SPATA13: variants seen among roughly 807,000 people sequenced by gnomAD.
SPATA13 encodes the protein spermatogenesis associated 13.
In SPATA13, 50 loss-of-function variants were observed where a neutral mutation model predicts 104.0. That is an observed-to-expected ratio of 0.48 (90% CI 0.38 to 0.61). The LOEUF is 0.61. SPATA13 is among the 20% of genes least tolerant of loss of function. The pLI is 0.00. For missense variants in SPATA13, 1,524 were observed against 1,690.6 expected, an observed-to-expected ratio of 0.90 and a Z score of 1.73; for synonymous variants, 606 against 667.5, an observed-to-expected ratio of 0.91 and a Z score of 1.42.
intron 2 of SPATA13, among the ~76,000 whole-genome samples, chr13:24,016,990 G>A (rs979873726): frequency 6.6e-6 from 1 of 152,228 alleles, no homozygotes; most frequent in African/African-American, 2.4e-5. Flanking sequence ...AGTGGGGCCT[G>A]ACACAGACTC....
At chr13:24,256,385 T>C (rs983911468) in intron 4 of SPATA13, among the ~76,000 whole-genome samples, 1 of 152,204 alleles carries the variant, frequency 6.6e-6, no homozygotes, top group African/African-American at 2.4e-5. Flanking sequence ...GATGATATGC[T>C]AATTACCCTG....
intron 3 of SPATA13, among the ~76,000 whole-genome samples, chr13:24,096,476 G>A (rs1315641419): frequency 1.3e-5 from 2 of 152,092 alleles, no homozygotes; most frequent in Non-Finnish European, 2.9e-5. Flanking sequence ...GCAGGCACCT[G>A]TAATCCAAGC....
rs918831915 is a variant in SPATA13 at position 24,043,365 on chromosome 13, C to A, written c.-112+25664C>A. Among the ~76,000 whole-genome samples, 2 of 152,168 alleles carry A rather than the reference C, an allele frequency of 1.3e-5. 1 individual carries two copies. The highest frequency in any genetic ancestry group is 2.9e-5 in the Non-Finnish European group (2 of 68,026). On this transcript the variant is annotated intron_variant, in intron 3 of 14. Transcript: ENST00000424834. ...ACGTCCACTTCTCCCATCTCAGCAG[C>A]ACTGGTCCCTGCAGCTTGATGGATT...
intron 2 of SPATA13, among the ~76,000 whole-genome samples, chr13:24,010,425 T>C (rs1417967272): frequency 6.6e-6 from 1 of 151,926 alleles, no homozygotes; most frequent in Non-Finnish European, 1.5e-5. Flanking sequence ...TTGAGGAGTT[T>C]CCTTGTGGGC....
rs141247175 is a variant in SPATA13 at position 24,113,084 on chromosome 13, G to A, written c.-112+95383G>A. Among the ~76,000 whole-genome samples, 70 of 152,270 alleles carry A rather than the reference G, an allele frequency of 4.6e-4. 1 individual carries two copies. Among genetic ancestry groups the A allele is most frequent in the African/African-American group, 1.7e-3 (69 of 41,560 alleles). On this transcript the variant is annotated intron_variant, in intron 3 of 14. Coordinates refer to the SPATA13 transcript ENST00000424834. ...AAATGCTGTCACTGAGGGACTTCTC[G>A]GCTCTCTTTCCTAAAGTTTCCTGAA... is the stretch of plus-strand genomic sequence containing the variant.
At chr13:24,006,894 C>T (rs75757953) in intron 2 of SPATA13, among the ~76,000 whole-genome samples, 8,013 of 152,296 alleles carry the variant, frequency 0.053, 320 homozygotes, top group South Asian at 0.2. Flanking sequence ...GCAATTAACA[C>T]GAAGCCCCTC....
chr13:24,100,892 A>C (rs752532290), intron 3 of SPATA13, among the ~76,000 whole-genome samples: 16 of 152,370 alleles, frequency 1.1e-4, no homozygotes, highest in Non-Finnish European at 1.9e-4. Flanking sequence ...AAATAATTGC[A>C]ATAATGCATT....
chr13:24,247,178 A>G (rs1304072252), intron 2 of SPATA13, among the ~76,000 whole-genome samples: 1 of 152,162 alleles, frequency 6.6e-6, no homozygotes, highest in African/African-American at 2.4e-5. Flanking sequence ...GGGTGCCGTC[A>G]GTGGAGAGAG....
At chr13:24,040,732 G>A (rs1566082455) in intron 3 of SPATA13, among the ~76,000 whole-genome samples, 1 of 152,198 alleles carries the variant, frequency 6.6e-6, no homozygotes, top group Non-Finnish European at 1.5e-5. Flanking sequence ...GGGGAAAAGG[G>A]TCGCTTCAAG....
At position 24,161,576 on chromosome 13, in the gene SPATA13, AG is replaced by A. The variant is rs1170561778; in HGVS notation, c.-112+646del. ...GGGAATTGGTACTCCAGCCCCAGGC[AG>A]GTAGAAGCCCGCGCTGCTGCCAGCG... On this transcript the variant is annotated intron_variant, in intron 1 of 12. Coordinates refer to ENST00000382108, the MANE Select transcript of SPATA13 (RefSeq NM_001166271.3). The surrounding 1 kb of genome is among the most constrained non-coding windows in gnomAD (Gnocchi z 4.5). Among the ~76,000 whole-genome samples the A allele has an allele frequency of 6.6e-6, 1 of 152,108 alleles. No individual in the cohort carries two copies. Among genetic ancestry groups the A allele is most frequent in the Non-Finnish European group, 1.5e-5 (1 of 68,012 alleles).
At chr13:24,233,256 A>G (rs919205442) in intron 2 of SPATA13, among the ~76,000 whole-genome samples, 7 of 152,232 alleles carry the variant, frequency 4.6e-5, no homozygotes, top group Middle Eastern at 3.2e-3. Flanking sequence ...TGTGCTTTCA[A>G]AAAATGTTTT....
chr13:24,264,855 A>G (rs1874220841), intron 4 of SPATA13, among the ~76,000 whole-genome samples: 1 of 152,162 alleles, frequency 6.6e-6, no homozygotes, highest in African/African-American at 2.4e-5. Context: ...ACAATTTTAT[A>G]TTTATTTCTG....
rs7995092 is a variant in SPATA13 at position 24,099,268 on chromosome 13, T to C, written c.-112+81567T>C. Among the ~76,000 whole-genome samples, 932 of 152,308 alleles carry C rather than the reference T, an allele frequency of 6.1e-3. 9 individuals are homozygous for C. The highest frequency in any genetic ancestry group is 0.021 in the African/African-American group (864 of 41,568). On this transcript the variant is annotated intron_variant, in intron 3 of 14. Coordinates refer to the SPATA13 transcript ENST00000424834. ...AATGAGGATGAGCATCTCTTTATAA[T>C]ATCATTCTATCTAATAAATGGACAA... is the stretch of plus-strand genomic sequence containing the variant.
intron 3 of SPATA13, among the ~76,000 whole-genome samples, chr13:24,026,565 T>G (rs1310047316): frequency 6.6e-6 from 1 of 152,160 alleles, no homozygotes; most frequent in Non-Finnish European, 1.5e-5. Flanking sequence ...CTGCTGTTTA[T>G]TTATTTGTTT....
At chr13:24,238,132 CTT>C (rs66810619) in intron 2 of SPATA13, among the ~76,000 whole-genome samples, 2 of 77,148 alleles carry the variant, frequency 2.6e-5, no homozygotes, top group African/African-American at 5.0e-5. Context: ...TTCTTCTTGA[CTT>C]TTTTTTTTTT....
intron 3 of SPATA13, among the ~76,000 whole-genome samples, chr13:24,108,661 G>GA (rs34932858): frequency 0.76 from 114,282 of 149,772 alleles, 43,169 homozygotes; most frequent in Admixed American, 0.77. Flanking sequence ...TTTCATGGTA[G>GA]GGGGGGGGAA....
chr13:24,271,909 TGGTG>T (rs986530464), intron 4 of SPATA13, among the ~76,000 whole-genome samples: 1 of 152,180 alleles, frequency 6.6e-6, no homozygotes, highest in African/African-American at 2.4e-5. Flanking sequence ...CTTCTGTGTC[TGGTG>T]GATTATCAAA....
intron 3 of SPATA13, among the ~76,000 whole-genome samples, chr13:24,130,501 G>C (rs934115623): frequency 2.0e-4 from 30 of 152,226 alleles, no homozygotes; most frequent in Admixed American, 1.0e-3. Context: ...GAAGTACGTG[G>C]GAGGGGTCAG....
intron 4 of SPATA13, among the ~76,000 whole-genome samples, chr13:24,278,126 T>C (rs1875155659): frequency 6.6e-6 from 1 of 152,144 alleles, no homozygotes; most frequent in African/African-American, 2.4e-5. Context: ...ATACGGCTGC[T>C]CTCCAGAATG....
Sources: allele counts gnomAD v4.1 joint callset (sites outside exome capture counted in the v4.1 genomes callset), GRCh38; gene constraint gnomAD v4.1.1; non-coding constraint Gnocchi (gnomAD v3.1); transcripts MANE v1.5; gene names NCBI Gene and HGNC (gene_info 2026-07-23, HGNC 2026-07-21).